The following ITGB3BP variants were observed in gnomAD, a reference collection of about 807,000 sequenced individuals.
ITGB3BP encodes integrin subunit beta 3 binding protein.
ITGB3BP carries 27 observed loss-of-function variants against 29.1 expected under a neutral mutation model. The ratio of observed to expected loss-of-function variants is 0.93; its 90% confidence interval spans 0.68 to 1.28. ITGB3BP has a LOEUF of 1.28. Ranked by LOEUF, ITGB3BP falls within the 50% of genes most tolerant of loss-of-function variation. ITGB3BP has a pLI of 0.00. For synonymous variants in ITGB3BP, 61 were observed against 61.4 expected (o/e 0.99, Z 0.03); for missense variants, 192 against 200.2 (o/e 0.96, Z 0.25).
intron 8 of ITGB3BP, among the ~76,000 whole-genome samples, chr1:63,443,701 G>C (rs535764272): frequency 1.3e-5 from 2 of 152,154 alleles, no homozygotes; most frequent in Admixed American, 6.5e-5. Context: ...AGAGGTAATG[G>C]AGAAATAAAC....
chr1:63,455,045 C>G, intron 4 of ITGB3BP, 77 bp from the exon 5 acceptor site: 1 of 711,176 alleles, frequency 1.4e-6, no homozygotes, highest in South Asian at 1.7e-5. Context: ...AGCTTTAACT[C>G]TTTTTAAAGG....
chr1:63,445,415 C>G (rs567315767), intron 8 of ITGB3BP, among the ~76,000 whole-genome samples: 1 of 152,124 alleles, frequency 6.6e-6, no homozygotes, highest in African/African-American at 2.4e-5. Context: ...TCATAAAAAA[C>G]GGACACAATT....
At chr1:63,517,341 C>A (rs922977682) in intron 1 of ITGB3BP, among the ~76,000 whole-genome samples, 9 of 151,316 alleles carry the variant, frequency 5.9e-5, no homozygotes, top group Admixed American at 2.0e-4. Context: ...AACTAACCTG[C>A]ACATTGTGCA....
intron 1 of ITGB3BP, among the ~76,000 whole-genome samples, chr1:63,518,255 G>A (rs574063138): frequency 5.9e-5 from 9 of 152,192 alleles, no homozygotes; most frequent in South Asian, 4.1e-4. Flanking sequence ...CAATGAAATC[G>A]TCTGGGTCTT....
At chr1:63,498,262 T>C (rs747527447) in intron 2 of ITGB3BP, among the ~76,000 whole-genome samples, 3 of 152,146 alleles carry the variant, frequency 2.0e-5, no homozygotes, top group Non-Finnish European at 2.9e-5. Context: ...CACATTCTTC[T>C]CAAGTGCACA....
chr1:63,473,180 G>T (rs988887653), intron 4 of ITGB3BP, among the ~76,000 whole-genome samples: 1 of 149,690 alleles, frequency 6.7e-6, no homozygotes, highest in Admixed American at 6.6e-5. Context: ...CTGTCTGGGA[G>T]GTGAGGAGCG....
At chr1:63,444,630 GAGA>G (rs1644768476) in intron 8 of ITGB3BP, among the ~76,000 whole-genome samples, 12 of 107,628 alleles carry the variant, frequency 1.1e-4, no homozygotes, top group African/African-American at 3.0e-4. Context: ...TTACATATAG[GAGA>G]TATATATATA....
intron 7 of ITGB3BP, among the ~76,000 whole-genome samples, chr1:63,448,978 A>G (rs899749075): frequency 2.0e-5 from 3 of 152,202 alleles, no homozygotes; most frequent in African/African-American, 7.2e-5. Context: ...GTGATAGCAC[A>G]TGACTAAATG....
chr1:63,461,346 T>C (rs1645016129), intron 4 of ITGB3BP, among the ~76,000 whole-genome samples: 1 of 152,054 alleles, frequency 6.6e-6, no homozygotes, highest in Admixed American at 6.6e-5. Flanking sequence ...TTGGAAGCTC[T>C]TGATCTACTC....
chr1:63,446,486 A>T (rs1426826986), intron 8 of ITGB3BP: 2 of 249,342 alleles, frequency 8.0e-6, no homozygotes, highest in Admixed American at 4.9e-5. Flanking sequence ...CTATTTAGCT[A>T]GTCTATTTAG....
chr1:63,466,037 G>GC (rs1645094834), intron 4 of ITGB3BP, among the ~76,000 whole-genome samples: 2 of 152,038 alleles, frequency 1.3e-5, no homozygotes, highest in Non-Finnish European at 2.9e-5. Flanking sequence ...CTTCTAAATA[G>GC]CCAACTACTT....
chr1:63,521,858 G>A (rs900799048), intron 1 of ITGB3BP, among the ~76,000 whole-genome samples: 5 of 152,128 alleles, frequency 3.3e-5, no homozygotes, highest in African/African-American at 1.2e-4. Context: ...CACAGTTCAG[G>A]AGGTATTACC....
chr1:63,485,941 A>G (rs574121920), intron 3 of ITGB3BP, among the ~76,000 whole-genome samples: 2 of 151,988 alleles, frequency 1.3e-5, no homozygotes, highest in Middle Eastern at 3.4e-3. Context: ...TTAGCATGCT[A>G]CTCTAATTTG....
At chr1:63,446,691 A>G (rs1398827364) in intron 8 of ITGB3BP, 115 bp downstream of exon 8, 5 of 760,512 alleles carry the variant, frequency 6.6e-6, no homozygotes, top group African/African-American at 1.8e-5. Flanking sequence ...CTATATCCCT[A>G]TTTTCTTACA....
At chr1:63,472,841 G>T (rs984642107) in intron 4 of ITGB3BP, among the ~76,000 whole-genome samples, 3 of 152,092 alleles carry the variant, frequency 2.0e-5, no homozygotes, top group Admixed American at 6.5e-5. Flanking sequence ...CCACCTCCCA[G>T]CCGCCTGCCT....
At chr1:63,506,917 G>A (rs1479633820) in intron 2 of ITGB3BP, among the ~76,000 whole-genome samples, 2 of 152,192 alleles carry the variant, frequency 1.3e-5, no homozygotes, top group African/African-American at 2.4e-5. Flanking sequence ...CATGGGCTAA[G>A]GCAGCCTCAA....
intron 1 of ITGB3BP, among the ~76,000 whole-genome samples, chr1:63,513,398 G>T (rs1646243474): frequency 6.6e-6 from 1 of 152,074 alleles, no homozygotes; most frequent in Non-Finnish European, 1.5e-5. Context: ...CCTGGCTCCT[G>T]TTTAACCTAT....
At chr1:63,449,193 TAATC>T (rs1000567669) in intron 7 of ITGB3BP, 4 of 152,550 alleles carry the variant, frequency 2.6e-5, no homozygotes, top group Non-Finnish European at 4.4e-5. Flanking sequence ...CACACACAAA[TAATC>T]AATATCTTCT....
intron 4 of ITGB3BP, 43 bp from the exon 5 acceptor site, chr1:63,455,011 T>C: frequency 1.0e-6 from 1 of 952,472 alleles, no homozygotes; most frequent in South Asian, 1.3e-5. Flanking sequence ...GGGGAAGCAT[T>C]TAAACATGGC....
Sources: gnomAD v4.1 joint callset for allele counts (sites outside exome capture counted in the v4.1 genomes callset) on GRCh38, gnomAD v4.1.1 for gene constraint, MANE v1.5 for transcripts, NCBI Gene and HGNC (gene_info 2026-07-23, HGNC 2026-07-21) for gene names.